Variants in MCF2L observed in about 807,000 individuals in gnomAD.
MCF2L encodes guanine nucleotide exchange factor DBS.
In MCF2L, 97 loss-of-function variants were observed where a neutral mutation model predicts 153.4. The observed-to-expected ratio is 0.63, with a 90% CI of 0.54 to 0.75. The LOEUF is 0.75. Among genes scored for constraint, MCF2L ranks in the 30% least tolerant of loss-of-function variants. The pLI, the probability that MCF2L is intolerant of heterozygous loss-of-function variation, is 0.00. For synonymous variants in MCF2L, 659 were observed against 632.2 expected (o/e 1.04, Z -0.64); for missense variants, 1,347 against 1,495.2 (o/e 0.90, Z 1.64).
chr13:113,070,005 C>G lies in MCF2L; in HGVS notation c.882-54C>G. 1 of 1,323,714 alleles carries G rather than the reference C, an allele frequency of 7.6e-7. No homozygotes were observed. Among genetic ancestry groups the G allele is most frequent in the Non-Finnish European group, 1.1e-6 (1 of 934,522 alleles). The allele number at this position is 1,323,714 out of a possible 1,614,324, so 82.0% of individuals were successfully genotyped here. On this transcript the variant is annotated intron_variant, in intron 8 of 29. Coordinates refer to ENST00000535094, the MANE Select transcript of MCF2L (RefSeq NM_001112732.3). This position sits in a 1 kb window ranked among gnomAD's most constrained non-coding sequence, Gnocchi z 5.6. The stretch of plus-strand genomic sequence containing the variant: ...TCGCTTGAACACCCACCGCGCTCCA[C>G]GTTGCATGGGGCGCCGTGGGCCACA...
At position 113,053,888 on chromosome 13, in the gene MCF2L, T is replaced by C. The variant is rs1274565474; in HGVS notation, c.370-6705T>C. 6.6e-6 allele frequency among the ~76,000 whole-genome samples: 1 copy of C among 152,144 alleles called. No homozygotes were observed. ...GCACGCCCCTTCAGGGTCCTGGTCC[T>C]TAGGGAGCTGGTTAACAAGTTGACC... On this transcript the variant is annotated intron_variant, in intron 4 of 29. Coordinates refer to ENST00000535094, the MANE Select transcript of MCF2L (RefSeq NM_001112732.3). The surrounding 1 kb of genome is among the most constrained non-coding windows in gnomAD (Gnocchi z 4.4).
chr13:112,979,099 C>CGG (rs2082311085), intron 1 of MCF2L, among the ~76,000 whole-genome samples: 2 of 152,248 alleles, frequency 1.3e-5, no homozygotes, highest in Non-Finnish European at 2.9e-5. Context: ...CTTCCTCCCT[C>CGG]GAGGAGCTCG....
At chr13:112,947,352 G>C (rs2081648294) in intron 2 of MCF2L, among the ~76,000 whole-genome samples, 1 of 152,110 alleles carries the variant, frequency 6.6e-6, no homozygotes, top group African/African-American at 2.4e-5. Context: ...AAAAGTCTTA[G>C]CTCATTCCAA....
At chr13:112,942,766 A>T (rs182086817) in intron 2 of MCF2L, among the ~76,000 whole-genome samples, 13 of 152,338 alleles carry the variant, frequency 8.5e-5, no homozygotes, top group Admixed American at 7.8e-4. Context: ...CAGCGGGTGC[A>T]GGCAGGGACA....
intron 2 of MCF2L, among the ~76,000 whole-genome samples, chr13:112,906,307 G>A (rs773283411): frequency 2.6e-5 from 4 of 152,216 alleles, no homozygotes; most frequent in Admixed American, 6.5e-5. Context: ...AGCCTGCAGC[G>A]TTTTGTAAGC....
At chr13:112,967,144 A>G (rs1441933602), upstream of MCF2L, among the ~76,000 whole-genome samples, 1 of 135,278 alleles carries the variant, frequency 7.4e-6, no homozygotes, top group Non-Finnish European at 1.6e-5. Flanking sequence ...CTGCCTGATG[A>G]CAGGCTTTCC....
chr13:112,953,377 C>G lies in MCF2L; in HGVS notation c.169+51006C>G, dbSNP rs557386709. ...CCAGGGAACATGGCCCAGACAACAG[C>G]ACAGCTGCGGGGAGGGGCTCCTCGG... On this transcript the variant is annotated intron_variant, in intron 2 of 29. Transcript: ENST00000375608. 3.9e-5 allele frequency among the ~76,000 whole-genome samples: 6 copies of G among 152,282 alleles called. No homozygotes were observed. In the East Asian group the frequency reaches 1.2e-3, roughly 29 times the overall value.
chr13:113,077,418 C>T lies in MCF2L; in HGVS notation c.1660+207C>T, dbSNP rs566585391. ...TTATAAATGGAGTTTTGTCAGGACCCGGCCACGCCCATCCTGTGCCACGCA... is the reference window on the plus strand; with the variant it reads ...TTATAAATGGAGTTTTGTCAGGACCTGGCCACGCCCATCCTGTGCCACGCA... On this transcript the variant is annotated intron_variant, in intron 13 of 29. Transcript: ENST00000535094. Among the ~76,000 whole-genome samples, 835 of 152,322 alleles carry T rather than the reference C, an allele frequency of 5.5e-3. 3 individuals are homozygous for T. Among genetic ancestry groups the T allele is most frequent in the Non-Finnish European group, 8.5e-3 (580 of 68,016 alleles).
At chr13:113,094,481 G>T (rs947480995) in intron 26 of MCF2L, 33 bp from the exon 27 acceptor site, 3 of 1,584,580 alleles carry the variant, frequency 1.9e-6, no homozygotes, top group African/African-American at 2.7e-5. Context: ...GCTCATCACC[G>T]GGGGGTCCCT....
At chr13:113,004,422 T>G (rs1438799350) in intron 1 of MCF2L, among the ~76,000 whole-genome samples, 1 of 152,224 alleles carries the variant, frequency 6.6e-6, no homozygotes, top group Non-Finnish European at 1.5e-5. Context: ...ACTCCATGTC[T>G]GCAGCTGGGG....
At chr13:112,926,743 ATG>A (rs773056302) in intron 2 of MCF2L, among the ~76,000 whole-genome samples, 31 of 151,698 alleles carry the variant, frequency 2.0e-4, no homozygotes, top group Non-Finnish European at 3.1e-4. Flanking sequence ...TCTCACTTAC[ATG>A]TGTACTCGCA....
At chr13:112,979,582 C>T in intron 1 of MCF2L, 4 of 1,590,734 alleles carry the variant, frequency 2.5e-6, no homozygotes, top group Non-Finnish European at 2.6e-6. Flanking sequence ...GGCTGTGGCT[C>T]TAGCATCAGG....
chr13:113,033,454 A>C (rs2085924600), intron 3 of MCF2L, among the ~76,000 whole-genome samples: 1 of 149,392 alleles, frequency 6.7e-6, no homozygotes, highest in Non-Finnish European at 1.5e-5. Context: ...CCGTGATGTG[A>C]GTGGCCCCCG....
chr13:113,094,513 G>T lies in MCF2L; in HGVS notation c.2954-1G>T. 1 of 1,610,678 alleles carries T rather than the reference G, an allele frequency of 6.2e-7. No individual in the cohort carries two copies. The highest frequency in any genetic ancestry group is 8.5e-7 in the Non-Finnish European group (1 of 1,178,860). On this transcript the variant is annotated splice_acceptor_variant, in intron 26 of 29. Transcript: ENST00000535094. LOFTEE classifies it high-confidence loss of function. ...CCCTCACGGGTGTCTGTCTCTCTTA[G>T]GTTGGAGCAAAACGTCCCACTCACT... is the stretch of plus-strand genomic sequence containing the variant.
At position 113,096,827 on chromosome 13, in the gene MCF2L, G is replaced by A. The variant is rs776524527; in HGVS notation, c.3346G>A (p.Gly1116Ser). ...LSNSSSCSEG[G>S]QAPFSDLQG ...CAACTCGTCCAGCTGCAGCGAGGGC[G>A]GCCAGGCCCCCTTCTCCGACCTGCA... Residue 1116 changes from glycine to serine, a missense_variant, in exon 30 of 30, where the codon GGC becomes AGC. Physicochemically the swap from Gly to Ser is moderately conservative, Grantham distance 56. This residue lies in a region of MCF2L where 383 missense variants were observed against 335.4 expected (regional missense o/e 1.14). Transcript: ENST00000535094. 7.2e-6 allele frequency: 11 copies of A among 1,526,302 alleles called. No homozygotes were observed. The African/African-American group carries it at 1.2e-4, about 16-fold the overall frequency. The allele number at this position is 1,526,302 out of a possible 1,614,324, so 94.5% of individuals were successfully genotyped here.
chr13:113,004,455 A>G (rs981435826), intron 1 of MCF2L, among the ~76,000 whole-genome samples: 7 of 152,302 alleles, frequency 4.6e-5, no homozygotes, highest in Non-Finnish European at 7.3e-5. Context: ...CCCATGGCGC[A>G]GTGCTGGGGG....
chr13:112,915,243 A>G (rs1166618780), intron 2 of MCF2L, among the ~76,000 whole-genome samples: 1 of 151,846 alleles, frequency 6.6e-6, no homozygotes, highest in East Asian at 1.9e-4. Context: ...TCCTATCTCT[A>G]CTAAAAATAC....
At chr13:112,921,171 C>T (rs1391762103) in intron 2 of MCF2L, among the ~76,000 whole-genome samples, 1 of 151,776 alleles carries the variant, frequency 6.6e-6, no homozygotes, top group African/African-American at 2.4e-5. Context: ...AGCAAGACTC[C>T]GTCTCAAAAA....
intron 1 of MCF2L, among the ~76,000 whole-genome samples, chr13:112,899,926 A>G (rs970989070): frequency 1.3e-5 from 2 of 152,158 alleles, no homozygotes; most frequent in African/African-American, 4.8e-5. Flanking sequence ...CTTGCCTCAT[A>G]GTGGAGAGAA....
Sources: gnomAD v4.1 joint callset for allele counts (sites outside exome capture counted in the v4.1 genomes callset) on GRCh38, gnomAD v4.1.1 for gene constraint, gnomAD v4.1.1 regional missense constraint, Gnocchi (gnomAD v3.1) non-coding constraint, MANE v1.5 for transcripts, NCBI Gene and HGNC (gene_info 2026-07-23, HGNC 2026-07-21) for gene names.